COL4A5: variants seen among roughly 807,000 people sequenced by gnomAD.
The protein encoded by COL4A5 is collagen type IV alpha 5 chain.
A neutral mutation model predicts 130.2 loss-of-function variants in COL4A5; 26 were observed. The ratio of observed to expected loss-of-function variants is 0.20; its 90% CI spans 0.15 to 0.28. COL4A5 has a LOEUF of 0.28. COL4A5 is among the 10% of genes least tolerant of loss of function. The pLI is 1.00. For synonymous variants in COL4A5, 496 were observed against 439.6 expected (o/e 1.13, Z -1.60); for missense variants, 1,131 against 1,344.3 (o/e 0.84, Z 2.48).
At position 108,672,250 on chromosome X, in the gene COL4A5, C is replaced by T. The variant is rs1225941298; in HGVS notation, c.3799+2014C>T. Among the ~76,000 whole-genome samples the T allele has an allele frequency of 6.2e-5, 7 of 112,243 alleles. No homozygotes were observed. The Admixed American group carries it at 6.6e-4, about 11-fold the overall frequency. ...GTTACTTTGAAGTAATGTTGAGTCC[C>T]ACCTTATCTGACCTACATAGAATTT... On this transcript the variant is annotated intron_variant, in intron 42 of 52. Coordinates refer to ENST00000328300, the MANE Select transcript of COL4A5 (RefSeq NM_033380.3).
chrX:108,494,877 T>C (rs2065020874), intron 1 of COL4A5, among the ~76,000 whole-genome samples: 1 of 111,502 alleles, frequency 9.0e-6, no homozygotes, highest in South Asian at 3.7e-4. Flanking sequence ...ATTCAGGCTC[T>C]GGGTTAGAAA....
chrX:108,624,116 G>A (rs1281102252), intron 33 of COL4A5, 120 bp from the exon 34 acceptor site: 1 of 571,606 alleles, frequency 1.7e-6, no homozygotes, highest in Non-Finnish European at 3.0e-6. Flanking sequence ...TACTATATCA[G>A]AATATCACCA....
rs775277027 is a variant in COL4A5, at chrX:108,455,320, A to G, written c.81+15114A>G. Among the ~76,000 whole-genome samples, 4 of 112,023 alleles carry G rather than the reference A, an allele frequency of 3.6e-5. No individual in the cohort carries two copies. The South Asian group carries it at 1.5e-3, about 41-fold the overall frequency. On this transcript the variant is annotated intron_variant, in intron 1 of 52. Transcript: ENST00000328300. The stretch of plus-strand genomic sequence containing the variant: ...GAATTCCATTGTATTGATACACCAC[A>G]CTGTTGATGGACATTTGGGTTGTTT...
At chrX:108,453,899 C>T (rs987526161) in intron 1 of COL4A5, among the ~76,000 whole-genome samples, 5 of 111,964 alleles carry the variant, frequency 4.5e-5, no homozygotes, top group African/African-American at 1.6e-4. Flanking sequence ...AGATTGTACT[C>T]GTCTTGCCTA....
At chrX:108,586,824 C>G in intron 19 of COL4A5, 77 bp downstream of exon 19, 1 of 1,065,433 alleles carries the variant, frequency 9.4e-7, no homozygotes, top group East Asian at 3.0e-5. Context: ...CACATTAGTT[C>G]CATGGTCAGC....
intron 1 of COL4A5, among the ~76,000 whole-genome samples, chrX:108,481,933 G>A (rs1447279386): frequency 1.8e-5 from 2 of 111,688 alleles, no homozygotes; most frequent in Non-Finnish European, 3.8e-5. Flanking sequence ...ATCTCCCTAA[G>A]CCTTTAGATC....
intron 21 of COL4A5, 67 bp from the exon 22 acceptor site, chrX:108,595,442 G>T (rs1264412785): frequency 1.0e-6 from 1 of 974,320 alleles, no homozygotes; most frequent in African/African-American, 1.9e-5. Flanking sequence ...AACATTTTTA[G>T]AACCTATCTA....
At chrX:108,568,276 A>G (rs990907440) in intron 4 of COL4A5, among the ~76,000 whole-genome samples, 2 of 111,373 alleles carry the variant, frequency 1.8e-5, no homozygotes, top group Non-Finnish European at 3.8e-5. Context: ...TTCAGTGGAA[A>G]TATATTTGCC....
At chrX:108,543,700 G>T (rs1024145281) in intron 2 of COL4A5, among the ~76,000 whole-genome samples, 8 of 111,873 alleles carry the variant, frequency 7.2e-5, no homozygotes, top group African/African-American at 2.3e-4. Context: ...ACCTTGGGCA[G>T]TATGGCCATT....
At chrX:108,447,714 A>C (rs1243415260) in intron 1 of COL4A5, among the ~76,000 whole-genome samples, 1 of 111,866 alleles carries the variant, frequency 8.9e-6, no homozygotes, top group East Asian at 2.8e-4. Flanking sequence ...ATTGATTGCC[A>C]GTTGGTTGGC....
chrX:108,508,395 A>C lies in COL4A5; in HGVS notation c.82-31351A>C, dbSNP rs190168759. On this transcript the variant is annotated intron_variant, in intron 1 of 52. Coordinates refer to ENST00000328300, the MANE Select transcript of COL4A5 (RefSeq NM_033380.3). ...TCTCAAAGCAGTCAGAGAAGACACA[A>C]ACAAATGGAAAAACATTCCATGCTC... Among the ~76,000 whole-genome samples, 141 of 110,311 alleles carry C rather than the reference A, an allele frequency of 1.3e-3. 3 individuals carry two copies. The Admixed American group carries it at 0.013, about 10-fold the overall frequency.
chrX:108,510,355 A>G (rs1401322891), intron 1 of COL4A5, among the ~76,000 whole-genome samples: 1 of 111,960 alleles, frequency 8.9e-6, no homozygotes, highest in Non-Finnish European at 1.9e-5. Context: ...ATCTTAAAAA[A>G]TTAACACACA....
At chrX:108,500,588 ACAT>A (rs2065071575) in intron 1 of COL4A5, among the ~76,000 whole-genome samples, 1 of 111,904 alleles carries the variant, frequency 8.9e-6, no homozygotes. Flanking sequence ...AAAATTTTAG[ACAT>A]GTAATCCATT....
chrX:108,582,209 T>C (rs1008212816), intron 16 of COL4A5, among the ~76,000 whole-genome samples: 3 of 111,583 alleles, frequency 2.7e-5, no homozygotes, highest in Non-Finnish European at 5.6e-5. Flanking sequence ...TATTATAAAA[T>C]ATCAAGAGGT....
chrX:108,559,224 A>T, intron 3 of COL4A5, 71 bp downstream of exon 3: 1 of 804,321 alleles, frequency 1.2e-6, no homozygotes, highest in Non-Finnish European at 1.9e-6. Context: ...TAGGTGTCAC[A>T]TCAACTAAAA....
chrX:108,615,654 G>A, intron 30 of COL4A5, among the ~76,000 whole-genome samples: 1 of 111,288 alleles, frequency 9.0e-6, no homozygotes, highest in Non-Finnish European at 1.9e-5. Flanking sequence ...CTCTAAATTT[G>A]TGTGAAAGCA....
At chrX:108,522,573 T>C (rs1215220181) in intron 1 of COL4A5, among the ~76,000 whole-genome samples, 1 of 106,346 alleles carries the variant, frequency 9.4e-6, no homozygotes, top group Non-Finnish European at 1.9e-5. Flanking sequence ...AATAAGCCCA[T>C]AAAAAGATAT....
chrX:108,574,082 G>A (rs2066107787), intron 9 of COL4A5, among the ~76,000 whole-genome samples: 1 of 111,723 alleles, frequency 9.0e-6, no homozygotes, highest in African/African-American at 3.3e-5. Context: ...TTTATGCATG[G>A]TGAACATCAA....
At chrX:108,635,749 T>C (rs1376591200) in intron 36 of COL4A5, among the ~76,000 whole-genome samples, 1 of 112,178 alleles carries the variant, frequency 8.9e-6, no homozygotes, top group African/African-American at 3.2e-5. Flanking sequence ...ACATTTTTGG[T>C]CAACTGATTT....
Sources: allele counts gnomAD v4.1 joint callset (sites outside exome capture counted in the v4.1 genomes callset), GRCh38; gene constraint gnomAD v4.1.1; transcripts MANE v1.5; gene names NCBI Gene and HGNC (gene_info 2026-07-23, HGNC 2026-07-21).